The following PPP6R2 variants were observed in gnomAD, a reference collection of about 807,000 sequenced individuals.
PPP6R2 encodes the protein protein phosphatase 6 regulatory subunit 2.
Under a neutral mutation model 100.2 loss-of-function variants are expected in PPP6R2, and 62 were observed. The ratio of observed to expected loss-of-function variants is 0.62; its 90% CI spans 0.50 to 0.76. PPP6R2 has a LOEUF of 0.76. Among genes scored for constraint, PPP6R2 ranks in the 30% least tolerant of loss-of-function variants. The pLI is 0.00. For synonymous variants in PPP6R2, 525 were observed against 514.7 expected, an observed-to-expected ratio of 1.02 and a Z score of -0.27; for missense variants, 1,142 against 1,276.3, an observed-to-expected ratio of 0.89 and a Z score of 1.60.
chr22:50,369,240 A>G (rs990540807), intron 1 of PPP6R2, among the ~76,000 whole-genome samples: 132 of 151,696 alleles, frequency 8.7e-4, no homozygotes, highest in Non-Finnish European at 2.9e-4. Flanking sequence ...TTCCATCTAA[A>G]AAAAAAAAAA....
At chr22:50,443,527 CTG>C (rs748343973) in intron 22 of PPP6R2, 8 of 281,828 alleles carry the variant, frequency 2.8e-5, no homozygotes, top group Non-Finnish European at 5.4e-5. Context: ...TTTCCCCAGA[CTG>C]TGTCCAGTGT....
intron 3 of PPP6R2, among the ~76,000 whole-genome samples, chr22:50,403,655 C>T (rs2058393351): frequency 6.6e-6 from 1 of 152,238 alleles, no homozygotes; most frequent in South Asian, 2.1e-4. Flanking sequence ...TGCAGTGCCC[C>T]TGTGCCCTGA....
At position 50,444,529 on chromosome 22, in the gene PPP6R2, T is replaced by C. The variant is rs1194955580; in HGVS notation, c.*282T>C. ...TAAGGTCGGCCTGCAGGAGCCGGGG[T>C]GGGGGTGGGGGTGGGGGGGGCAGGA... On this transcript the variant is annotated 3_prime_UTR_variant, in exon 24 of 24. Coordinates refer to ENST00000612753, the MANE Select transcript of PPP6R2 (RefSeq NM_001242898.2). 2 of 16,398 alleles carry C rather than the reference T, an allele frequency of 1.2e-4. No individual in the cohort carries two copies. Among genetic ancestry groups the C allele is most frequent in the African/African-American group, 4.0e-4 (1 of 2,484 alleles). The allele number at this position is 16,398 out of a possible 1,614,324, so 1.0% of individuals were successfully genotyped here. A position where few individuals can be genotyped will look rare whatever the true frequency, so the allele number is the denominator to read the frequency against.
chr22:50,437,961 C>A, intron 17 of PPP6R2, 61 bp downstream of exon 17: 1 of 1,562,026 alleles, frequency 6.4e-7, no homozygotes, highest in Non-Finnish European at 8.7e-7. Context: ...CAGGCCATGC[C>A]CATGGCTCGG....
At chr22:50,416,252 C>A in intron 6 of PPP6R2, 95 bp downstream of exon 6, 1 of 1,085,266 alleles carries the variant, frequency 9.2e-7, no homozygotes, top group Admixed American at 1.9e-5. Flanking sequence ...GAGGGCAAGT[C>A]ATCCCTTTCC....
At chr22:50,343,250 G>A (rs1397206611), upstream of PPP6R2, 4 of 150,082 alleles carry the variant, frequency 2.7e-5, no homozygotes, top group African/African-American at 9.8e-5. Flanking sequence ...GCCCACCCGC[G>A]CGGCCCCGCC....
At position 50,400,264 on chromosome 22, in the gene PPP6R2, C is replaced by T. The variant is rs562036382; in HGVS notation, c.227+6129C>T. ...GTTCCTGGGCCACTGACCATCCACT[C>T]CACATCCATTGTCCATCTCCTGTCA... On this transcript the variant is annotated intron_variant, in intron 3 of 23. Coordinates refer to ENST00000612753, the MANE Select transcript of PPP6R2 (RefSeq NM_001242898.2). 3.3e-5 allele frequency among the ~76,000 whole-genome samples: 5 copies of T among 152,354 alleles called. No individual in the cohort carries two copies. In the South Asian group the frequency reaches 1.0e-3, roughly 32 times the overall value.
intron 2 of PPP6R2, among the ~76,000 whole-genome samples, chr22:50,387,814 T>G (rs2054553829): frequency 6.6e-6 from 1 of 152,208 alleles, no homozygotes; most frequent in African/African-American, 2.4e-5. Flanking sequence ...TTTCCGTCTC[T>G]TTACGCTGAG....
chr22:50,395,444 G>T (rs1042074904), intron 3 of PPP6R2, among the ~76,000 whole-genome samples: 1 of 152,182 alleles, frequency 6.6e-6, no homozygotes, highest in African/African-American at 2.4e-5. Context: ...ATGACCCGCA[G>T]TGTCCCCAGG....
chr22:50,334,552 A>G, the PPP6R2 span, among the ~76,000 whole-genome samples: 9 of 152,160 alleles, frequency 5.9e-5, no homozygotes, highest in African/African-American at 1.9e-4. Context: ...ATTATACTGG[A>G]ACAGCTTGTT....
At chr22:50,333,359 C>T in the PPP6R2 span, among the ~76,000 whole-genome samples, 16 of 145,012 alleles carry the variant, frequency 1.1e-4, no homozygotes, top group Non-Finnish European at 7.5e-5. Flanking sequence ...TTTTTTGAGA[C>T]GGAGTCTCGC....
At position 50,421,444 on chromosome 22, in the gene PPP6R2, G is replaced by T. The variant is rs182342612; in HGVS notation, c.846-810G>T. Among the ~76,000 whole-genome samples the T allele has an allele frequency of 1.8e-3, 267 of 152,310 alleles. 3 individuals carry two copies. The highest frequency in any genetic ancestry group is 1.9e-3 in the East Asian group (10 of 5,186). On this transcript the variant is annotated intron_variant, in intron 8 of 23. Transcript: ENST00000612753. Reference sequence around the variant, plus strand: ...CGTGGCCTCAGAGTCCTGAGCTCAAGCGATCCTCCCACCTGTCCCCCCCAA... The same window carrying T: ...CGTGGCCTCAGAGTCCTGAGCTCAATCGATCCTCCCACCTGTCCCCCCCAA...
intron 12 of PPP6R2, among the ~76,000 whole-genome samples, chr22:50,434,355 T>C (rs369798519): frequency 0.017 from 534 of 31,892 alleles, 3 homozygotes; most frequent in East Asian, 0.063. Context: ...GGGGCATGGA[T>C]GCTGGGCAGG....
intron 2 of PPP6R2, among the ~76,000 whole-genome samples, chr22:50,384,855 C>T (rs1450568070): frequency 6.6e-6 from 1 of 152,178 alleles, no homozygotes; most frequent in Admixed American, 6.6e-5. Context: ...ATCCTCCCAC[C>T]TCAGCCTCCT....
chr22:50,435,224 C>G (rs1407003775), intron 13 of PPP6R2, 143 bp downstream of exon 13: 9 of 604,398 alleles, frequency 1.5e-5, no homozygotes, highest in Non-Finnish European at 2.2e-5. Flanking sequence ...TGTCCTCTCA[C>G]TTCACACATC....
chr22:50,438,891 C>A, intron 19 of PPP6R2, 129 bp downstream of exon 19: 1 of 1,005,516 alleles, frequency 9.9e-7, no homozygotes, highest in Non-Finnish European at 1.4e-6. Context: ...GAGCCTGAAT[C>A]CCCAGCTATT....
At chr22:50,440,215 C>T (rs947375659) in intron 21 of PPP6R2, among the ~76,000 whole-genome samples, 166 bp downstream of exon 21, 4 of 152,232 alleles carry the variant, frequency 2.6e-5, no homozygotes, top group Admixed American at 6.5e-5. Flanking sequence ...GGAGCAGCCA[C>T]GTGTAGATGG....
chr22:50,386,585 C>T (rs1209654015), intron 2 of PPP6R2, among the ~76,000 whole-genome samples: 1 of 152,178 alleles, frequency 6.6e-6, no homozygotes, highest in African/African-American at 2.4e-5. Flanking sequence ...GAGCAAGGTG[C>T]AAGCACATTT....
At chr22:50,352,631 A>G (rs1479313581) in intron 1 of PPP6R2, among the ~76,000 whole-genome samples, 1 of 151,972 alleles carries the variant, frequency 6.6e-6, no homozygotes, top group Non-Finnish European at 1.5e-5. Context: ...AGGCTGAAGC[A>G]CAAGAATTGC....
Sources: allele counts gnomAD v4.1 joint callset (sites outside exome capture counted in the v4.1 genomes callset), GRCh38; gene constraint gnomAD v4.1.1; transcripts MANE v1.5; gene names NCBI Gene and HGNC (gene_info 2026-07-23, HGNC 2026-07-21).